CEP135: variants seen among roughly 807,000 people sequenced by gnomAD.
The protein encoded by CEP135 is centrosomal protein 135, also known as centrosomal protein of 135 kDa.
Under a neutral mutation model 157.3 loss-of-function variants are expected in CEP135, and 142 were observed. The observed-to-expected ratio is 0.90, with a 90% CI of 0.79 to 1.04. The LOEUF is 1.04. Ranked by LOEUF, CEP135 falls within the 50% of genes least tolerant of loss-of-function variation. The pLI is 0.00. For missense variants in CEP135, 1,317 were observed against 1,309.2 expected, an observed-to-expected ratio of 1.01 and a Z score of -0.09; for synonymous variants, 396 against 439.8, an observed-to-expected ratio of 0.90 and a Z score of 1.25.
chr4:55,987,106 A>G (rs1729614285), intron 14 of CEP135, among the ~76,000 whole-genome samples: 1 of 152,218 alleles, frequency 6.6e-6, no homozygotes, highest in Non-Finnish European at 1.5e-5. Context: ...GTGGGATCAA[A>G]GTAGCCTTTA....
At chr4:55,973,561 G>GC (rs1307183090) in intron 10 of CEP135, among the ~76,000 whole-genome samples, 1 of 152,054 alleles carries the variant, frequency 6.6e-6, no homozygotes, top group Non-Finnish European at 1.5e-5. Context: ...TATTCTCTGG[G>GC]CCCTAACTTC....
chr4:55,951,970 C>G (rs1385801869), intron 1 of CEP135, 116 bp from the exon 2 acceptor site: 1 of 470,784 alleles, frequency 2.1e-6, no homozygotes, highest in Admixed American at 3.6e-5. Context: ...CAGAAGGCTA[C>G]CTACCTGAAG....
chr4:55,975,078 G>A (rs967205403), intron 11 of CEP135, 109 bp downstream of exon 11: 23 of 782,560 alleles, frequency 2.9e-5, no homozygotes, highest in Non-Finnish European at 4.3e-5. Flanking sequence ...GAAAAATCCT[G>A]ATTTTGATTC....
rs116934441 is a variant in CEP135 at position 56,003,726 on chromosome 4, T to G, written c.2280+4081T>G. 2.6e-3 allele frequency among the ~76,000 whole-genome samples: 393 copies of G among 152,068 alleles called. 2 individuals are homozygous for G. Among genetic ancestry groups the G allele is most frequent in the East Asian group, 0.021 (107 of 5,172 alleles). On this transcript the variant is annotated intron_variant, in intron 17 of 25. Coordinates refer to ENST00000257287, the MANE Select transcript of CEP135 (RefSeq NM_025009.5). ...TTGAAATCTTTTTTTGTTTTGTTTT[T>G]TTTTTTGTTTTTGAGACAGAGTCTC...
At chr4:55,992,819 T>C (rs975315249) in intron 15 of CEP135, among the ~76,000 whole-genome samples, 4 of 152,196 alleles carry the variant, frequency 2.6e-5, no homozygotes, top group Non-Finnish European at 5.9e-5. Context: ...TGGTTAGTCA[T>C]TAATTAATTT....
At position 56,024,368 on chromosome 4, in the gene CEP135, A is replaced by G. The variant is rs17742000; in HGVS notation, c.3321-133A>G. Reference sequence around the variant, plus strand: ...TCCACTACTTAAAAATTGTACAAAGACATAGGATTTAAATTTAATAGTAAT... The same window carrying G: ...TCCACTACTTAAAAATTGTACAAAGGCATAGGATTTAAATTTAATAGTAAT... On this transcript the variant is annotated intron_variant, in intron 24 of 25. Transcript: ENST00000257287. The G allele has an allele frequency of 0.026, 14,723 of 567,398 alleles. 307 individuals carry two copies. Among genetic ancestry groups the G allele is most frequent in the Admixed American group, 0.074 (2,413 of 32,740 alleles). The allele number at this position is 567,398 out of a possible 1,614,324, so 35.1% of individuals were successfully genotyped here.
chr4:55,999,460 T>G (rs1244413333), intron 16 of CEP135, 31 bp from the exon 17 acceptor site: 6 of 1,612,872 alleles, frequency 3.7e-6, no homozygotes, highest in Non-Finnish European at 5.1e-6. Context: ...CTAATGTACT[T>G]TGTCTAACAA....
intron 22 of CEP135, among the ~76,000 whole-genome samples, chr4:56,018,354 A>G (rs915557841): frequency 6.6e-6 from 1 of 152,202 alleles, no homozygotes; most frequent in African/African-American, 2.4e-5. Flanking sequence ...TTTCTCAGGC[A>G]AACGTAGTGA....
At chr4:55,977,886 C>T (rs964218529) in intron 11 of CEP135, among the ~76,000 whole-genome samples, 1 of 152,096 alleles carries the variant, frequency 6.6e-6, no homozygotes, top group Non-Finnish European at 1.5e-5. Context: ...TTTGCTGGTT[C>T]AAAGCACATC....
chr4:55,955,391 T>C (rs950197254), intron 4 of CEP135, among the ~76,000 whole-genome samples: 6 of 152,178 alleles, frequency 3.9e-5, no homozygotes, highest in African/African-American at 1.4e-4. Context: ...AAGTGTATCA[T>C]CTTATTGTGT....
chr4:56,030,485 C>G (rs1019203828), intron 25 of CEP135, among the ~76,000 whole-genome samples: 6 of 152,188 alleles, frequency 3.9e-5, no homozygotes, highest in Non-Finnish European at 5.9e-5. Context: ...CGCGGTCTCG[C>G]TCTGTTGCCC....
chr4:56,012,094 G>C (rs1469284044), intron 21 of CEP135, 109 bp downstream of exon 21: 1 of 736,776 alleles, frequency 1.4e-6, no homozygotes, highest in Non-Finnish European at 2.0e-6. Flanking sequence ...GTCTGACTCT[G>C]TTGCCCAGGC....
intron 11 of CEP135, among the ~76,000 whole-genome samples, chr4:55,978,886 G>A (rs892298747): frequency 3.9e-5 from 6 of 152,172 alleles, no homozygotes; most frequent in African/African-American, 1.4e-4. Context: ...AGATTACATA[G>A]CTTCTTTTAT....
Position 55,953,198 on chromosome 4 carries a change from C to T in CEP135, c.227C>T (p.Ala76Val), listed in dbSNP as rs1464600215. 3 of 1,603,504 alleles carry T rather than the reference C, an allele frequency of 1.9e-6. No individual in the cohort carries two copies. The highest frequency in any genetic ancestry group is 2.3e-5 in the South Asian group (2 of 88,426). ...FVLEPYKLENARLSRENNELY... is the reference protein window; with the variant it reads ...FVLEPYKLENVRLSRENNELY... ...TTGGAACCCTATAAACTTGAAAATG[C>T]AAGATTGAGTAGAGAAAATAATGAA... is the stretch of plus-strand genomic sequence containing the variant. The change falls in exon 3 of 26, where the codon GCA (alanine) becomes GTA (valine). Residue 76 changes from alanine to valine, a missense_variant. Transcript: ENST00000257287.
At chr4:56,022,997 T>C (rs1389904277) in intron 24 of CEP135, among the ~76,000 whole-genome samples, 1 of 152,128 alleles carries the variant, frequency 6.6e-6, no homozygotes, top group East Asian at 1.9e-4. Context: ...CTCAGGAGGC[T>C]GAGGCAGGAG....
intron 17 of CEP135, among the ~76,000 whole-genome samples, chr4:56,001,093 T>A (rs1238431541): frequency 6.6e-6 from 1 of 152,152 alleles, no homozygotes; most frequent in Admixed American, 6.5e-5. Flanking sequence ...CGTTTTAAAA[T>A]TGGATTATTT....
intron 10 of CEP135, among the ~76,000 whole-genome samples, chr4:55,974,337 CTT>C (rs939499573): frequency 1.7e-4 from 26 of 152,186 alleles, no homozygotes; most frequent in African/African-American, 6.0e-4. Context: ...ATTTTGCTCT[CTT>C]TGTATATGTG....
chr4:55,986,550 G>GA (rs144324605), intron 14 of CEP135, among the ~76,000 whole-genome samples: 10 of 148,268 alleles, frequency 6.7e-5, no homozygotes, highest in African/African-American at 1.2e-4. Context: ...TCCAAAAAAA[G>GA]AAAAAAAAAA....
intron 2 of CEP135, among the ~76,000 whole-genome samples, 166 bp from the exon 3 acceptor site, chr4:55,952,919 A>G (rs1416046908): frequency 6.6e-6 from 1 of 152,240 alleles, no homozygotes; most frequent in South Asian, 2.1e-4. Context: ...AGCTGCCCCC[A>G]TTATAAATCT....
Sources: gnomAD v4.1 joint callset for allele counts (sites outside exome capture counted in the v4.1 genomes callset) on GRCh38, gnomAD v4.1.1 for gene constraint, MANE v1.5 for transcripts, NCBI Gene and HGNC (gene_info 2026-07-23, HGNC 2026-07-21) for gene names.